The following IL1RAPL2 variants were observed in gnomAD, a reference collection of about 807,000 sequenced individuals.
IL1RAPL2 encodes X-linked interleukin-1 receptor accessory protein-like 2.
IL1RAPL2 carries 3 observed loss-of-function variants against 44.1 expected under a neutral mutation model. That is an observed-to-expected ratio of 0.07 (90% CI 0.03 to 0.18). The LOEUF (loss-of-function observed/expected upper bound fraction) is 0.18. Among genes scored for constraint, IL1RAPL2 ranks in the 10% least tolerant of loss-of-function variants. The pLI is 1.00. For missense variants in IL1RAPL2, 391 were observed against 496.4 expected (o/e 0.79, Z 2.02); for synonymous variants, 181 against 178.8 (o/e 1.01, Z -0.10).
intron 6 of IL1RAPL2, among the ~76,000 whole-genome samples, chrX:105,655,800 C>A (rs1368350446): frequency 9.0e-6 from 1 of 111,561 alleles, no homozygotes; most frequent in Non-Finnish European, 1.9e-5. Context: ...ATCAGGTTTT[C>A]TTGTCTTTGC....
At chrX:104,957,907 C>A (rs949391620) in intron 2 of IL1RAPL2, among the ~76,000 whole-genome samples, 1 of 110,462 alleles carries the variant, frequency 9.1e-6, no homozygotes, top group African/African-American at 3.3e-5. Flanking sequence ...GGCAACACAG[C>A]GAGACCTCAT....
At chrX:105,226,988 C>G (rs139055932) in intron 3 of IL1RAPL2, among the ~76,000 whole-genome samples, 4,327 of 100,633 alleles carry the variant, frequency 0.043, 108 homozygotes, top group Non-Finnish European at 0.068. Context: ...AGTGTCCTGT[C>G]AAAGGCTGAA....
intron 6 of IL1RAPL2, among the ~76,000 whole-genome samples, chrX:105,579,307 A>C (rs1479640771): frequency 8.9e-6 from 1 of 111,859 alleles, no homozygotes; most frequent in East Asian, 2.8e-4. Flanking sequence ...AAAGTTTTAA[A>C]AGTGTCTTAA....
chrX:104,654,011 G>T (rs1308078360), intron 1 of IL1RAPL2, among the ~76,000 whole-genome samples: 1 of 110,417 alleles, frequency 9.1e-6, no homozygotes, highest in Non-Finnish European at 1.9e-5. Context: ...CCAATTTACT[G>T]ATTTTTTTAA....
rs977988825 is a variant in IL1RAPL2 at position 104,992,700 on chromosome X, T to C, written c.83-202775T>C. On this transcript the variant is annotated intron_variant, in intron 2 of 10. Transcript: ENST00000372582. ...GAATTTGACGTTTCTCTTTGGGCCCTATCTACTGAATATGAGTGTTTGAGA... is the reference window on the plus strand; with the variant it reads ...GAATTTGACGTTTCTCTTTGGGCCCCATCTACTGAATATGAGTGTTTGAGA... 3.6e-5 allele frequency among the ~76,000 whole-genome samples: 4 copies of C among 110,470 alleles called. No individual in the cohort carries two copies. In the East Asian group the frequency reaches 1.2e-3, roughly 32 times the overall value.
chrX:105,118,797 G>A (rs751573604), intron 2 of IL1RAPL2, among the ~76,000 whole-genome samples: 14 of 111,983 alleles, frequency 1.3e-4, no homozygotes, highest in Non-Finnish European at 2.3e-4. Context: ...GAGCGTATTC[G>A]GAAATGTTCA....
At chrX:104,605,320 T>A (rs1272076920) in intron 1 of IL1RAPL2, among the ~76,000 whole-genome samples, 4 of 111,464 alleles carry the variant, frequency 3.6e-5, no homozygotes, top group African/African-American at 1.3e-4. Context: ...TTTAAAGAAG[T>A]GTGTAGAGAG....
intron 6 of IL1RAPL2, among the ~76,000 whole-genome samples, chrX:105,565,912 T>G (rs2036971304): frequency 9.0e-6 from 1 of 111,367 alleles, no homozygotes; most frequent in African/African-American, 3.3e-5. Flanking sequence ...AAAATGTGAT[T>G]GTGGAACATG....
chrX:105,399,595 A>G (rs2035591465), intron 5 of IL1RAPL2, among the ~76,000 whole-genome samples: 1 of 111,236 alleles, frequency 9.0e-6, no homozygotes, highest in Non-Finnish European at 1.9e-5. Flanking sequence ...ATATAATAAA[A>G]TATTCAATAT....
At chrX:105,064,349 G>C (rs992405897) in intron 2 of IL1RAPL2, among the ~76,000 whole-genome samples, 1 of 112,346 alleles carries the variant, frequency 8.9e-6, no homozygotes, top group Admixed American at 9.4e-5. Context: ...GGGTAGTACT[G>C]CCAGGCTGGC....
intron 2 of IL1RAPL2, among the ~76,000 whole-genome samples, chrX:104,673,816 C>A (rs1337569156): frequency 9.2e-6 from 1 of 108,262 alleles, no homozygotes; most frequent in South Asian, 4.2e-4. Flanking sequence ...TCCTTCACAT[C>A]CCTTGTAAGT....
chrX:104,574,080 A>G (rs1414246284), intron 1 of IL1RAPL2, among the ~76,000 whole-genome samples: 2 of 111,781 alleles, frequency 1.8e-5, no homozygotes, highest in East Asian at 2.8e-4. Context: ...TGATATGTTT[A>G]TAGTCTTGAG....
intron 2 of IL1RAPL2, among the ~76,000 whole-genome samples, chrX:104,878,273 T>C (rs1249176912): frequency 8.9e-6 from 1 of 111,967 alleles, no homozygotes; most frequent in Non-Finnish European, 1.9e-5. Context: ...GACAATTCAA[T>C]GGTTATCTGA....
At chrX:104,780,194 C>A (rs1932763326) in intron 2 of IL1RAPL2, among the ~76,000 whole-genome samples, 1 of 111,335 alleles carries the variant, frequency 9.0e-6, no homozygotes, top group African/African-American at 3.3e-5. Flanking sequence ...TCAAACAAAT[C>A]CTAAGAAAAA....
intron 2 of IL1RAPL2, among the ~76,000 whole-genome samples, chrX:105,032,855 G>T (rs1017015675): frequency 7.2e-5 from 8 of 111,077 alleles, no homozygotes; most frequent in Non-Finnish European, 1.3e-4. Flanking sequence ...TATTGTGTGG[G>T]AGTCTAAGTC....
chrX:104,863,514 A>G (rs1922542781), intron 2 of IL1RAPL2, among the ~76,000 whole-genome samples: 1 of 112,042 alleles, frequency 8.9e-6, no homozygotes, highest in African/African-American at 3.2e-5. Flanking sequence ...GAAGCTTCCA[A>G]TGACAGATTA....
intron 6 of IL1RAPL2, among the ~76,000 whole-genome samples, chrX:105,592,536 T>C (rs2037179935): frequency 8.9e-6 from 1 of 111,835 alleles, no homozygotes; most frequent in Non-Finnish European, 1.9e-5. Context: ...ATGGTTTATG[T>C]ACTTAAAAGT....
chrX:104,944,598 G>A (rs1274357039), intron 2 of IL1RAPL2, among the ~76,000 whole-genome samples: 1 of 111,574 alleles, frequency 9.0e-6, no homozygotes, highest in Non-Finnish European at 1.9e-5. Context: ...TTTAATTTAT[G>A]AGGACAATGC....
At chrX:105,294,025 T>G (rs1438005773) in intron 5 of IL1RAPL2, among the ~76,000 whole-genome samples, 1 of 112,516 alleles carries the variant, frequency 8.9e-6, no homozygotes, top group African/African-American at 3.2e-5. Flanking sequence ...AATGATGTGC[T>G]GTTTCCTTTA....
Sources: gnomAD v4.1 joint callset for allele counts (sites outside exome capture counted in the v4.1 genomes callset) on GRCh38, gnomAD v4.1.1 for gene constraint, MANE v1.5 for transcripts, NCBI Gene and HGNC (gene_info 2026-07-23, HGNC 2026-07-21) for gene names.